Variants in PCDHGB1 observed in about 807,000 individuals in gnomAD.
The protein encoded by PCDHGB1 is protocadherin gamma-B1.
In PCDHGB1, 34 loss-of-function variants were observed where a neutral mutation model predicts 56.6. The observed-to-expected ratio is 0.60, with a 90% CI of 0.46 to 0.80. The LOEUF is 0.80. PCDHGB1 is among the 30% of genes least tolerant of loss of function. The pLI is 0.00. For synonymous variants in PCDHGB1, 561 were observed against 505.9 expected (o/e 1.11, Z -1.46); for missense variants, 1,278 against 1,204.6 (o/e 1.06, Z -0.90).
intron 1 of PCDHGB1, chr5:141,413,404 C>T: frequency 6.2e-7 from 1 of 1,614,046 alleles, no homozygotes; most frequent in Non-Finnish European, 8.5e-7. Context: ...AGGTAGGACG[C>T]AGCTTTTCTC....
intron 1 of PCDHGB1, among the ~76,000 whole-genome samples, chr5:141,482,857 A>T (rs2099573663): frequency 6.6e-6 from 1 of 152,140 alleles, no homozygotes; most frequent in Admixed American, 6.5e-5. Flanking sequence ...AGATCACTTG[A>T]GGTCAGGAGT....
At chr5:141,469,721 A>G (rs1238006043) in intron 1 of PCDHGB1, among the ~76,000 whole-genome samples, 5 of 152,270 alleles carry the variant, frequency 3.3e-5, no homozygotes, top group African/African-American at 1.2e-4. Context: ...TTAGGAATTT[A>G]TCATAAATAC....
intron 1 of PCDHGB1, among the ~76,000 whole-genome samples, chr5:141,452,947 G>C (rs2098752833): frequency 6.6e-6 from 1 of 152,144 alleles, no homozygotes; most frequent in Non-Finnish European, 1.5e-5. Flanking sequence ...GCTTGCAATT[G>C]GTTGTCTTTA....
chr5:141,458,394 T>A (rs2098944697), intron 1 of PCDHGB1, among the ~76,000 whole-genome samples: 1 of 152,062 alleles, frequency 6.6e-6, no homozygotes, highest in African/African-American at 2.4e-5. Context: ...ACGCTCCCCC[T>A]TGCAGAGACG....
chr5:141,412,898 C>T (rs1300324880), intron 1 of PCDHGB1: 2 of 361,136 alleles, frequency 5.5e-6, no homozygotes, highest in Non-Finnish European at 9.8e-6. Context: ...AGTTTACTTT[C>T]CATTGCATGT....
At position 141,491,700 on chromosome 5, in the gene PCDHGB1, G is replaced by A. The variant is rs1199177466; in HGVS notation, c.2410-3107G>A. 3.1e-6 allele frequency: 5 copies of A among 1,611,830 alleles called. No homozygotes were observed. The highest frequency in any genetic ancestry group is 4.2e-6 in the Non-Finnish European group (5 of 1,179,142). On this transcript the variant is annotated intron_variant, in intron 1 of 3. Coordinates refer to ENST00000523390, the MANE Select transcript of PCDHGB1 (RefSeq NM_018922.3). The surrounding 1 kb of genome is among the most constrained non-coding windows in gnomAD (Gnocchi z 6.9). ...CTAATACGCTGCGGGAGCGGAGCCA[G>A]GTGAGGGGCTCGGCGCCGCCCCGGG...
intron 1 of PCDHGB1, chr5:141,405,392 T>C: frequency 6.3e-7 from 1 of 1,596,104 alleles, no homozygotes; most frequent in Non-Finnish European, 8.5e-7. Flanking sequence ...TTCATTTTTT[T>C]TCTTTCTTTC....
chr5:141,400,591 C>A, intron 1 of PCDHGB1: 1 of 1,602,976 alleles, frequency 6.2e-7, no homozygotes, highest in Non-Finnish European at 8.5e-7. Flanking sequence ...ATGAAACTAT[C>A]GTACATTTTC....
At position 141,432,275 on chromosome 5, in the gene PCDHGB1, T is replaced by C. The variant is rs775413198; in HGVS notation, c.2410-62532T>C. 2 of 1,614,232 alleles carry C rather than the reference T, an allele frequency of 1.2e-6. No homozygotes were observed. Among genetic ancestry groups the C allele is most frequent in the South Asian group, 2.2e-5 (2 of 91,086 alleles). On this transcript the variant is annotated intron_variant, in intron 1 of 3. Coordinates refer to ENST00000523390, the MANE Select transcript of PCDHGB1 (RefSeq NM_018922.3). This position sits in a 1 kb window ranked among gnomAD's most constrained non-coding sequence, Gnocchi z 6.0. ...AGGGGCAAGCCTATCGTCCTACGTG[T>C]CCATCAACTCCGACACTGGGGTACT... is the stretch of plus-strand genomic sequence containing the variant.
chr5:141,412,385 A>G (rs1041538045), intron 1 of PCDHGB1: 8 of 152,236 alleles, frequency 5.3e-5, no homozygotes, highest in African/African-American at 1.9e-4. Flanking sequence ...AAATAGGTCC[A>G]TTTAACTTGT....
rs2094486958 is a variant in PCDHGB1, at chr5:141,404,117, A to C, written c.2409+51448A>C. 3 of 1,613,468 alleles carry C rather than the reference A, an allele frequency of 1.9e-6. No homozygotes were observed. Among genetic ancestry groups the C allele is most frequent in the Non-Finnish European group, 1.7e-6 (2 of 1,179,548 alleles). On this transcript the variant is annotated intron_variant, in intron 1 of 3. Coordinates refer to ENST00000523390, the MANE Select transcript of PCDHGB1 (RefSeq NM_018922.3). ...TCAAGTTGTCTGTTCTATCCAGGAG[A>C]ATCTATCTTTTACATTAGAAAATTC...
At chr5:141,397,395 C>G (rs1382237446) in intron 1 of PCDHGB1, among the ~76,000 whole-genome samples, 1 of 152,048 alleles carries the variant, frequency 6.6e-6, no homozygotes, top group Non-Finnish European at 1.5e-5. Flanking sequence ...ATTGCCACAA[C>G]TTTACAAAAT....
At chr5:141,389,985 T>C (rs754723585) in intron 1 of PCDHGB1, 5 of 1,614,006 alleles carry the variant, frequency 3.1e-6, no homozygotes, top group Non-Finnish European at 4.2e-6. Flanking sequence ...CTCAGTGCTC[T>C]TCCTCGTGGC....
intron 1 of PCDHGB1, among the ~76,000 whole-genome samples, chr5:141,466,909 ACTC>A (rs1249720055): frequency 6.6e-6 from 1 of 151,110 alleles, no homozygotes; most frequent in Non-Finnish European, 1.5e-5. Flanking sequence ...GTTTTTGAAA[ACTC>A]CTTGTATTAG....
In PCDHGB1 at chr5:141,352,487, A is replaced by T; in HGVS notation, c.2227A>T (p.Thr743Ser). The part of the protein sequence containing the change: ...PGVPPNHSEG[T>S]LPYSYNLCIA... The stretch of plus-strand genomic sequence containing the variant: ...GGTTCCTCCCAACCACAGCGAGGGG[A>T]CTTTGCCCTATTCCTACAATCTATG... The change falls in exon 1 of 4, where the codon ACT becomes TCT. Residue 743 changes from threonine to serine, a missense_variant. Transcript: ENST00000523390. 1 of 1,613,940 alleles carries T rather than the reference A, an allele frequency of 6.2e-7. No individual in the cohort carries two copies. Among genetic ancestry groups the T allele is most frequent in the Non-Finnish European group, 8.5e-7 (1 of 1,179,880 alleles).
intron 1 of PCDHGB1, among the ~76,000 whole-genome samples, chr5:141,484,202 T>C (rs2099593138): frequency 6.6e-6 from 1 of 152,214 alleles, no homozygotes; most frequent in Non-Finnish European, 1.5e-5. Context: ...ATTAAATCTA[T>C]GAACATTAGC....
At chr5:141,357,422 T>C (rs1277142896) in intron 1 of PCDHGB1, 2 of 1,614,254 alleles carry the variant, frequency 1.2e-6, no homozygotes, top group East Asian at 2.2e-5. Context: ...TCGCACTTTG[T>C]GGGCGTGGAC....
chr5:141,405,354 T>G lies in PCDHGB1; in HGVS notation c.2409+52685T>G, dbSNP rs781757006. The G allele has an allele frequency of 3.7e-6, 6 of 1,614,112 alleles. No homozygotes were observed. In the East Asian group the frequency reaches 1.3e-4, roughly 36 times the overall value. On this transcript the variant is annotated intron_variant, in intron 1 of 3. Coordinates refer to ENST00000523390, the MANE Select transcript of PCDHGB1 (RefSeq NM_018922.3). The stretch of plus-strand genomic sequence containing the variant: ...GTCTCTGTTGATTCCAAGTTTCCTA[T>G]AGAAGACACCCCTTTGGTTCCGGTG...
At chr5:141,353,111 A>G (rs1759191357) in intron 1 of PCDHGB1, among the ~76,000 whole-genome samples, 1 of 151,828 alleles carries the variant, frequency 6.6e-6, no homozygotes, top group African/African-American at 2.4e-5. Flanking sequence ...ATAGATGGAG[A>G]TTGCTTTCTT....
Sources: gnomAD v4.1 joint callset for allele counts (sites outside exome capture counted in the v4.1 genomes callset) on GRCh38, gnomAD v4.1.1 for gene constraint, Gnocchi (gnomAD v3.1) non-coding constraint, MANE v1.5 for transcripts, NCBI Gene and HGNC (gene_info 2026-07-23, HGNC 2026-07-21) for gene names.